The following GNAI1 variants were observed in gnomAD, a reference collection of about 807,000 sequenced individuals.
The protein encoded by GNAI1 is G protein subunit alpha i1.
A neutral mutation model predicts 38.9 loss-of-function variants in GNAI1; 11 were observed. The observed-to-expected ratio is 0.28, with a 90% CI of 0.18 to 0.47. The LOEUF (loss-of-function observed/expected upper bound fraction) is 0.47. Among genes scored for constraint, GNAI1 ranks in the 20% least tolerant of loss-of-function variants. The probability of loss-of-function intolerance (pLI) is 0.99; values close to 1 mark genes in which losing one functional copy is unlikely to be tolerated. For missense variants in GNAI1, 317 were observed against 436.9 expected, an observed-to-expected ratio of 0.73 and a Z score of 2.45; for synonymous variants, 166 against 145.1, an observed-to-expected ratio of 1.14 and a Z score of -1.04.
At chr7:80,174,963 T>G (rs1788156782) in intron 1 of GNAI1, among the ~76,000 whole-genome samples, 1 of 152,224 alleles carries the variant, frequency 6.6e-6, no homozygotes, top group Non-Finnish European at 1.5e-5. Context: ...TATATCTCTT[T>G]AATATTCCAT....
rs752712803 is a variant in GNAI1 at position 80,135,226 on chromosome 7, C to T, written c.66C>T (p.Asn22=). Residue 22 remains asparagine (N), a synonymous_variant, in exon 1 of 8, where the codon AAC becomes AAT. Coordinates refer to ENST00000649796, the MANE Select transcript of GNAI1 (RefSeq NM_002069.6). ...AVERSKMIDR[N]LREDGEKAAR... is the part of the protein sequence containing the mutation. The stretch of plus-strand genomic sequence containing the variant: ...AGCGGAGTAAGATGATCGACCGCAA[C>T]CTCCGTGAGGACGGCGAGAAGGCGG... The T allele has an allele frequency of 2.6e-6, 4 of 1,552,698 alleles. No individual in the cohort carries two copies. The highest frequency in any genetic ancestry group is 1.7e-6 in the Non-Finnish European group (2 of 1,149,882).
At chr7:80,206,227 AAAAC>A (rs1017951132) in intron 5 of GNAI1, among the ~76,000 whole-genome samples, 4 of 152,080 alleles carry the variant, frequency 2.6e-5, no homozygotes, top group East Asian at 1.9e-4. Context: ...TTCTCTCCAA[AAAAC>A]AAACATTGAC....
rs1789030031 is a variant in GNAI1 at position 80,219,207 on chromosome 7, C to A, written c.*1714C>A. 1 of 152,436 alleles carries A rather than the reference C, an allele frequency of 6.6e-6. No homozygotes were observed. The highest frequency in any genetic ancestry group is 2.1e-4 in the South Asian group (1 of 4,826). The allele number at this position is 152,436 out of a possible 1,614,324, so 9.4% of individuals were successfully genotyped here. ...GAAAGATATGTTTTCATTAATTTTA[C>A]TGGTGGACCTGTAATATCCACATTG... On this transcript the variant is annotated 3_prime_UTR_variant, in exon 8 of 8. Coordinates refer to ENST00000649796, the MANE Select transcript of GNAI1 (RefSeq NM_002069.6).
At chr7:80,159,192 T>G (rs955826272) in intron 1 of GNAI1, among the ~76,000 whole-genome samples, 50 of 152,222 alleles carry the variant, frequency 3.3e-4, no homozygotes, top group Non-Finnish European at 5.9e-5. Context: ...CAGAGACTTT[T>G]GTGAAACAAT....
At chr7:80,174,957 T>A (rs1324265174) in intron 1 of GNAI1, among the ~76,000 whole-genome samples, 1 of 152,170 alleles carries the variant, frequency 6.6e-6, no homozygotes, top group African/African-American at 2.4e-5. Flanking sequence ...TAAATATATA[T>A]CTCTTTAATA....
intron 1 of GNAI1, chr7:80,135,651 C>CCA (rs1554345562): frequency 6.7e-6 from 1 of 150,358 alleles, no homozygotes; most frequent in East Asian, 1.6e-4. Context: ...TGAAAACACC[C>CCA]CCCCCCCCGC....
At chr7:80,209,292 TTATGGGATTATGAAGGC>T (rs1395997855) in intron 5 of GNAI1, among the ~76,000 whole-genome samples, 1 of 152,138 alleles carries the variant, frequency 6.6e-6, no homozygotes, top group Non-Finnish European at 1.5e-5. Context: ...AGGAATTGGT[TTATGGGATTATGAAGGC>T]TAACAAGTCC....
Position 80,145,305 on chromosome 7 carries a change from G to A in GNAI1, c.118+10027G>A, listed in dbSNP as rs140039747. Among the ~76,000 whole-genome samples, 419 of 152,190 alleles carry A rather than the reference G, an allele frequency of 2.8e-3. 1 individual carries two copies. Among genetic ancestry groups the A allele is most frequent in the African/African-American group, 9.7e-3 (404 of 41,518 alleles). The stretch of plus-strand genomic sequence containing the variant: ...AATTATTGACTTTCTGATTGATATA[G>A]AAGTATTGAGAAATAGGCAGTCATG... On this transcript the variant is annotated intron_variant, in intron 1 of 7. Transcript: ENST00000649796.
chr7:80,225,394 C>T lies in GNAI1; in HGVS notation c.*7901C>T, dbSNP rs894904524. Among the ~76,000 whole-genome samples, 1 of 152,018 alleles carries T rather than the reference C, an allele frequency of 6.6e-6. No homozygotes were observed. The highest frequency in any genetic ancestry group is 1.9e-4 in the East Asian group (1 of 5,202). ...AAAATTATTAAATCCAGTTTACAGACTCATCTCTTTAGTCTGCAGCCAAAT... is the reference window on the plus strand; with the variant it reads ...AAAATTATTAAATCCAGTTTACAGATTCATCTCTTTAGTCTGCAGCCAAAT... On this transcript the variant is annotated 3_prime_UTR_variant, in exon 8 of 8. Transcript: ENST00000649796.
rs57129452 is a variant in GNAI1, at chr7:80,171,373, C to T, written c.119-17578C>T. Among the ~76,000 whole-genome samples, 1,318 of 152,150 alleles carry T rather than the reference C, an allele frequency of 8.7e-3. 14 individuals carry two copies. The highest frequency in any genetic ancestry group is 0.03 in the African/African-American group (1,265 of 41,500). ...GTGCAGGGATTTAGTGAAGGCTGCA[C>T]CATCATTTATCATTGTTAGACTCAC... is the stretch of plus-strand genomic sequence containing the variant. On this transcript the variant is annotated intron_variant, in intron 1 of 7. Coordinates refer to ENST00000649796, the MANE Select transcript of GNAI1 (RefSeq NM_002069.6).
At chr7:80,185,014 T>C (rs1240162128) in intron 1 of GNAI1, among the ~76,000 whole-genome samples, 1 of 144,770 alleles carries the variant, frequency 6.9e-6, no homozygotes, top group Non-Finnish European at 1.5e-5. Context: ...GACTGACACA[T>C]GTTACATATT....
intron 1 of GNAI1, among the ~76,000 whole-genome samples, chr7:80,169,999 G>T (rs1021438672): frequency 6.6e-6 from 1 of 152,158 alleles, no homozygotes; most frequent in African/African-American, 2.4e-5. Flanking sequence ...ACATGTATCA[G>T]TACTTTGTTC....
At chr7:80,140,847 T>A (rs1479229601) in intron 1 of GNAI1, among the ~76,000 whole-genome samples, 1 of 152,156 alleles carries the variant, frequency 6.6e-6, no homozygotes, top group East Asian at 1.9e-4. Context: ...TAAAGTCAGG[T>A]TGTTGATAGG....
chr7:80,223,533 G>A lies in GNAI1; in HGVS notation c.*6040G>A, dbSNP rs1308497190. On this transcript the variant is annotated 3_prime_UTR_variant, in exon 8 of 8. Transcript: ENST00000649796. ...TTCACTTTTGAAAATCAAGAGTAAAGTTAAGTCAAAGCTACTTCTAAACAG... is the reference window on the plus strand; with the variant it reads ...TTCACTTTTGAAAATCAAGAGTAAAATTAAGTCAAAGCTACTTCTAAACAG... 2.0e-5 allele frequency among the ~76,000 whole-genome samples: 3 copies of A among 152,098 alleles called. No homozygotes were observed. Among genetic ancestry groups the A allele is most frequent in the Admixed American group, 2.0e-4 (3 of 15,274 alleles).
chr7:80,198,549 C>G (rs142248985), intron 3 of GNAI1, among the ~76,000 whole-genome samples: 11 of 152,098 alleles, frequency 7.2e-5, no homozygotes, highest in Non-Finnish European at 1.3e-4. Context: ...ACATACTGTC[C>G]TCTATGTATA....
intron 1 of GNAI1, among the ~76,000 whole-genome samples, chr7:80,162,511 G>T (rs927352998): frequency 3.3e-5 from 5 of 152,164 alleles, no homozygotes; most frequent in South Asian, 2.1e-4. Flanking sequence ...AACAGGAAAA[G>T]AACTATCCTA....
rs976996113 is a variant in GNAI1, at chr7:80,217,771, T to C, written c.*278T>C. The C allele has an allele frequency of 1.4e-5, 3 of 214,006 alleles. No homozygotes were observed. Among genetic ancestry groups the C allele is most frequent in the Non-Finnish European group, 2.8e-5 (3 of 108,626 alleles). 13.3% of individuals were successfully genotyped at this position (214,006 alleles called of 1,614,324 possible). The stretch of plus-strand genomic sequence containing the variant: ...GCATAAGTGTAAATATGCAAATGTA[T>C]GTATACATGTATTTATGACTTTAGT... On this transcript the variant is annotated 3_prime_UTR_variant, in exon 8 of 8. Coordinates refer to ENST00000649796, the MANE Select transcript of GNAI1 (RefSeq NM_002069.6).
chr7:80,152,580 T>C, intron 1 of GNAI1, among the ~76,000 whole-genome samples: 1 of 126,696 alleles, frequency 7.9e-6, no homozygotes, highest in South Asian at 2.8e-4. Flanking sequence ...TTTTTTTTTT[T>C]GAAACGTAGT....
At chr7:80,150,466 G>A (rs1001627884) in intron 1 of GNAI1, among the ~76,000 whole-genome samples, 6 of 152,120 alleles carry the variant, frequency 3.9e-5, no homozygotes, top group African/African-American at 1.2e-4. Context: ...TGACACATTC[G>A]TATAAAGTTA....
Sources: allele counts gnomAD v4.1 joint callset (sites outside exome capture counted in the v4.1 genomes callset), GRCh38; gene constraint gnomAD v4.1.1; transcripts MANE v1.5; gene names NCBI Gene and HGNC (gene_info 2026-07-23, HGNC 2026-07-21).